Variants in CSMD3 observed in about 807,000 individuals in gnomAD.
The protein encoded by CSMD3 is CUB and sushi domain-containing protein 3.
A neutral mutation model predicts 435.2 loss-of-function variants in CSMD3; 177 were observed. That is an observed-to-expected ratio of 0.41 (90% CI 0.36 to 0.46). The LOEUF (loss-of-function observed/expected upper bound fraction) is 0.46, where lower values mean the gene tolerates loss of function less well. Ranked by LOEUF, CSMD3 falls within the 20% of genes least tolerant of loss-of-function variation. CSMD3 has a pLI of 0.34. For synonymous variants in CSMD3, 1,656 were observed against 1,520.5 expected, an observed-to-expected ratio of 1.09 and a Z score of -2.07; for missense variants, 4,265 against 4,504.6, an observed-to-expected ratio of 0.95 and a Z score of 1.52.
At chr8:113,025,783 A>G (rs1236349085) in intron 5 of CSMD3, among the ~76,000 whole-genome samples, 1 of 152,132 alleles carries the variant, frequency 6.6e-6, no homozygotes, top group Non-Finnish European at 1.5e-5. Context: ...GCCCAGGGTC[A>G]GCTTTCCCAC....
chr8:112,491,599 G>A (rs1025919015), intron 31 of CSMD3, among the ~76,000 whole-genome samples: 2 of 151,964 alleles, frequency 1.3e-5, no homozygotes, highest in African/African-American at 4.8e-5. Flanking sequence ...CAGTGAGCCC[G>A]GATCACGCCA....
chr8:113,343,903 T>C (rs1048987849), intron 1 of CSMD3, among the ~76,000 whole-genome samples: 1 of 152,160 alleles, frequency 6.6e-6, no homozygotes, highest in Non-Finnish European at 1.5e-5. Context: ...ATCTATCTTA[T>C]AATTCAGAAA....
intron 16 of CSMD3, among the ~76,000 whole-genome samples, chr8:112,669,783 A>G (rs1402301082): frequency 1.3e-5 from 2 of 152,164 alleles, no homozygotes; most frequent in Non-Finnish European, 2.9e-5. Context: ...CATTTATGGA[A>G]TGCTTTCTCT....
chr8:112,952,081 T>C (rs757401055), intron 8 of CSMD3, among the ~76,000 whole-genome samples: 11 of 151,536 alleles, frequency 7.3e-5, no homozygotes, highest in Non-Finnish European at 1.6e-4. Flanking sequence ...ATAGTTTCTT[T>C]TCTTGGTGAA....
chr8:113,031,039 C>A (rs958296471), intron 5 of CSMD3, among the ~76,000 whole-genome samples: 1 of 151,580 alleles, frequency 6.6e-6, no homozygotes, highest in Non-Finnish European at 1.5e-5. Context: ...TCATATAATG[C>A]TAGCATGAAT....
chr8:112,241,855 C>CACACAT, intron 65 of CSMD3, 70 bp from the exon 66 acceptor site: 1 of 626,618 alleles, frequency 1.6e-6, no homozygotes, highest in Non-Finnish European at 2.7e-6. Flanking sequence ...CACACACACA[C>CACACAT]ACGCACACAC....
chr8:113,432,368 G>T (rs2094679543), intron 1 of CSMD3, among the ~76,000 whole-genome samples: 2 of 152,216 alleles, frequency 1.3e-5, no homozygotes. Context: ...TGCCTGAGCC[G>T]ATCTTTCTTC....
At chr8:113,060,825 C>G (rs1225279505) in intron 5 of CSMD3, among the ~76,000 whole-genome samples, 35 of 152,144 alleles carry the variant, frequency 2.3e-4, no homozygotes, top group Non-Finnish European at 7.4e-5. Flanking sequence ...CTCTACCCTG[C>G]ATCGCAAATC....
chr8:113,006,966 G>T (rs2086081096), intron 6 of CSMD3, among the ~76,000 whole-genome samples: 1 of 151,836 alleles, frequency 6.6e-6, no homozygotes, highest in South Asian at 2.1e-4. Flanking sequence ...CTTAGGCCTG[G>T]GTCAGTCCTT....
At chr8:112,450,427 C>A (rs1816128923) in intron 32 of CSMD3, among the ~76,000 whole-genome samples, 2 of 152,140 alleles carry the variant, frequency 1.3e-5, no homozygotes, top group South Asian at 2.1e-4. Context: ...AGAAGACTTT[C>A]CAGTCAAAAA....
chr8:112,439,201 C>A (rs1030262836), intron 32 of CSMD3, among the ~76,000 whole-genome samples: 10 of 152,116 alleles, frequency 6.6e-5, no homozygotes, highest in Admixed American at 2.0e-4. Context: ...AGTGCAGTGG[C>A]ACGATCTCAT....
chr8:112,939,876 C>T (rs2083397439), intron 9 of CSMD3, among the ~76,000 whole-genome samples: 2 of 151,952 alleles, frequency 1.3e-5, no homozygotes, highest in African/African-American at 2.4e-5. Context: ...AGCTATTTCT[C>T]AGCCATTACA....
intron 3 of CSMD3, among the ~76,000 whole-genome samples, chr8:113,206,985 C>G (rs1009967576): frequency 1.1e-4 from 16 of 152,106 alleles, no homozygotes; most frequent in African/African-American, 3.9e-4. Context: ...ATTTCGGCAT[C>G]TAGTTGGGCA....
At chr8:112,464,098 C>T (rs1014395575) in intron 32 of CSMD3, among the ~76,000 whole-genome samples, 17 of 151,872 alleles carry the variant, frequency 1.1e-4, no homozygotes, top group South Asian at 4.2e-4. Flanking sequence ...ATTAGGTGGG[C>T]GTGGTGGCAG....
At chr8:113,305,242 G>A (rs1162881312) in intron 2 of CSMD3, among the ~76,000 whole-genome samples, 1 of 151,950 alleles carries the variant, frequency 6.6e-6, no homozygotes, top group Non-Finnish European at 1.5e-5. Flanking sequence ...CGTGGCACAT[G>A]TATACATATG....
At chr8:113,262,854 T>C (rs1353027407) in intron 3 of CSMD3, among the ~76,000 whole-genome samples, 1 of 152,090 alleles carries the variant, frequency 6.6e-6, no homozygotes, top group Non-Finnish European at 1.5e-5. Flanking sequence ...ACTGAAGCCT[T>C]TTAAGACCTG....
At chr8:113,359,185 G>A (rs180779771) in intron 1 of CSMD3, among the ~76,000 whole-genome samples, 4 of 152,220 alleles carry the variant, frequency 2.6e-5, no homozygotes, top group Non-Finnish European at 4.4e-5. Context: ...AGGTACTGGC[G>A]AAGCAAATCA....
At chr8:112,689,548 GTC>G (rs1244596667) in intron 14 of CSMD3, among the ~76,000 whole-genome samples, 7 of 151,860 alleles carry the variant, frequency 4.6e-5, no homozygotes, top group Non-Finnish European at 1.0e-4. Flanking sequence ...AAATAAATGA[GTC>G]TATTAGAATT....
At position 112,504,019 on chromosome 8, in the gene CSMD3, A is replaced by G. The variant is rs1330119327; in HGVS notation, c.4896-42T>C. On this transcript the variant is annotated intron_variant, in intron 29 of 70. Transcript: ENST00000297405. ...AAGAACAAAAGAAAGAAAGAGAAGTAGGATAATTATTATTAGGCTGTTAAC... is the reference window on the plus strand; with the variant it reads ...AAGAACAAAAGAAAGAAAGAGAAGTGGGATAATTATTATTAGGCTGTTAAC... The G allele has an allele frequency of 3.1e-6, 4 of 1,281,712 alleles. No homozygotes were observed. In the East Asian group the frequency reaches 9.3e-5, roughly 30 times the overall value. The allele number at this position is 1,281,712 out of a possible 1,614,324, so 79.4% of individuals were successfully genotyped here.
Sources: allele counts gnomAD v4.1 joint callset (sites outside exome capture counted in the v4.1 genomes callset), GRCh38; gene constraint gnomAD v4.1.1; transcripts MANE v1.5; gene names NCBI Gene and HGNC (gene_info 2026-07-23, HGNC 2026-07-21).